Variants in VPS13D observed in about 807,000 individuals in gnomAD.
VPS13D encodes vacuolar protein sorting 13 homolog D, also known as intermembrane lipid transfer protein VPS13D.
A neutral mutation model predicts 461.9 loss-of-function variants in VPS13D; 187 were observed. The observed-to-expected ratio is 0.40, with a 90% confidence interval of 0.36 to 0.46. The LOEUF is 0.46. VPS13D is among the 20% of genes least tolerant of loss of function. The pLI is 0.60. For missense variants in VPS13D, 4,711 were observed against 5,364.9 expected (o/e 0.88, Z 3.81); for synonymous variants, 1,951 against 1,986.3 (o/e 0.98, Z 0.47).
chr1:12,439,977 T>C (rs2100337485), intron 65 of VPS13D, among the ~76,000 whole-genome samples: 1 of 152,352 alleles, frequency 6.6e-6, no homozygotes, highest in South Asian at 2.1e-4. Context: ...GCAGTGAATA[T>C]TGGCTCTATG....
At chr1:12,301,627 C>T (rs779763088) in intron 25 of VPS13D, among the ~76,000 whole-genome samples, 3 of 152,108 alleles carry the variant, frequency 2.0e-5, no homozygotes, top group Non-Finnish European at 4.4e-5. Context: ...TAATGGAGTC[C>T]CCATTACATG....
At position 12,355,973 on chromosome 1, in the gene VPS13D, A is replaced by G. The variant is rs1200548845; in HGVS notation, c.9754A>G (p.Met3252Val). 3 of 1,613,700 alleles carry G rather than the reference A, an allele frequency of 1.9e-6. No individual in the cohort carries two copies. Among genetic ancestry groups the G allele is most frequent in the Admixed American group, 1.7e-5 (1 of 59,952 alleles). Residue 3252 changes from methionine to valine, a missense_variant, in exon 48 of 70, where the codon ATG becomes GTG. Physicochemically the swap from Met to Val is conservative, Grantham distance 21 (BLOSUM62 1). This residue lies in a region of VPS13D where 4,411 missense variants were observed against 4,937.8 expected (regional missense o/e 0.89). Coordinates refer to ENST00000620676, the MANE Select transcript of VPS13D (RefSeq NM_015378.4). Reference protein sequence around the residue: ...PPGTQNYMVRMRLYDVNRRQL... With the variant: ...PPGTQNYMVRVRLYDVNRRQL... ...TGGAACCCAAAACTATATGGTGAGA[A>G]TGCGACTCTATGACGTCAACCGTCG...
intron 65 of VPS13D, among the ~76,000 whole-genome samples, chr1:12,440,862 C>T (rs1191276798): frequency 6.7e-6 from 1 of 149,294 alleles, no homozygotes; most frequent in Non-Finnish European, 1.5e-5. Context: ...GGCAACAGAG[C>T]GAGACTCTGC....
At chr1:12,254,425 C>T (rs143478132) in intron 7 of VPS13D, among the ~76,000 whole-genome samples, 3 of 151,654 alleles carry the variant, frequency 2.0e-5, no homozygotes, top group Non-Finnish European at 2.9e-5. Flanking sequence ...TTAAACTTCA[C>T]CTTTGGTGGC....
chr1:12,267,108 A>G, intron 14 of VPS13D, 97 bp downstream of exon 14: 1 of 1,288,098 alleles, frequency 7.8e-7, no homozygotes, highest in South Asian at 2.1e-5. Context: ...ACATTTGATC[A>G]TCTTGAGACT....
At chr1:12,319,687 T>C (rs1171695701) in intron 32 of VPS13D, 57 bp downstream of exon 32, 1 of 1,609,562 alleles carries the variant, frequency 6.2e-7, no homozygotes. Flanking sequence ...GCAAAGCATC[T>C]GGAAGAGAAT....
At chr1:12,346,945 TA>T (rs1643690374) in intron 44 of VPS13D, among the ~76,000 whole-genome samples, 1 of 152,226 alleles carries the variant, frequency 6.6e-6, no homozygotes, top group African/African-American at 2.4e-5. Flanking sequence ...TGAACCCTGG[TA>T]TGACCATATG....
intron 65 of VPS13D, among the ~76,000 whole-genome samples, chr1:12,449,927 C>T (rs950525891): frequency 8.5e-5 from 13 of 152,170 alleles, no homozygotes; most frequent in Non-Finnish European, 1.6e-4. Context: ...GAGTTCAAGA[C>T]CAACCTGGCC....
At chr1:12,235,903 A>C (rs1156999856) in intron 2 of VPS13D, among the ~76,000 whole-genome samples, 2 of 152,242 alleles carry the variant, frequency 1.3e-5, no homozygotes, top group African/African-American at 4.8e-5. Flanking sequence ...AGAGAGCTGC[A>C]GACCACGACC....
chr1:12,500,138 C>T (rs1209392045), intron 68 of VPS13D: 1 of 985,192 alleles, frequency 1.0e-6, no homozygotes, highest in Non-Finnish European at 1.2e-6. Context: ...TTGGTGACTT[C>T]AACTTTATTC....
chr1:12,261,828 GA>G, intron 12 of VPS13D, 72 bp from the exon 13 acceptor site: 1 of 1,286,440 alleles, frequency 7.8e-7, no homozygotes, highest in South Asian at 1.6e-5. Context: ...TCATAACTGT[GA>G]TCAGTCTGCT....
intron 2 of VPS13D, among the ~76,000 whole-genome samples, chr1:12,236,164 G>A (rs990026241): frequency 2.0e-5 from 3 of 152,000 alleles, no homozygotes; most frequent in East Asian, 1.9e-4. Context: ...ATGCTTCTCC[G>A]CAGGGTAGAA....
intron 40 of VPS13D, among the ~76,000 whole-genome samples, chr1:12,338,583 G>A (rs1643500909): frequency 6.6e-6 from 1 of 152,160 alleles, no homozygotes; most frequent in Non-Finnish European, 1.5e-5. Flanking sequence ...GTCAGTTAGA[G>A]GTGATTTCTC....
intron 65 of VPS13D, among the ~76,000 whole-genome samples, chr1:12,446,155 A>G (rs1346398528): frequency 6.6e-6 from 1 of 152,196 alleles, no homozygotes; most frequent in Non-Finnish European, 1.5e-5. Context: ...GGTGGCTCAC[A>G]CCTGTAATCC....
rs1236118729 is a variant in VPS13D at position 12,497,821 on chromosome 1, C to G, written c.12794+190C>G. Reference sequence around the variant, plus strand: ...ATGCTAAACAGCCTTTTACTCAAAGCAGTGGTTCTCAACTGTGTGCCATAG... The same window carrying G: ...ATGCTAAACAGCCTTTTACTCAAAGGAGTGGTTCTCAACTGTGTGCCATAG... On this transcript the variant is annotated intron_variant, in intron 68 of 69. Transcript: ENST00000620676. 2.6e-5 allele frequency among the ~76,000 whole-genome samples: 4 copies of G among 152,212 alleles called. No homozygotes were observed. The South Asian group carries it at 8.3e-4, about 32-fold the overall frequency.
intron 7 of VPS13D, among the ~76,000 whole-genome samples, 177 bp downstream of exon 7, chr1:12,254,003 C>T (rs962132927): frequency 3.9e-5 from 6 of 152,104 alleles, no homozygotes; most frequent in African/African-American, 7.2e-5. Context: ...TATGTGACTT[C>T]GAACAATATA....
intron 6 of VPS13D, among the ~76,000 whole-genome samples, chr1:12,250,854 A>G (rs1416872015): frequency 1.3e-5 from 2 of 152,278 alleles, no homozygotes; most frequent in Non-Finnish European, 1.5e-5. Context: ...GATCCCAGCC[A>G]TGCTCATTAG....
chr1:12,409,182 T>G (rs2101696808), intron 63 of VPS13D, among the ~76,000 whole-genome samples: 1 of 152,302 alleles, frequency 6.6e-6, no homozygotes, highest in East Asian at 1.9e-4. Flanking sequence ...TAATTTTTTT[T>G]TGAAAACTAC....
At chr1:12,392,372 C>T (rs1039294555) in intron 60 of VPS13D, among the ~76,000 whole-genome samples, 10 of 150,676 alleles carry the variant, frequency 6.6e-5, no homozygotes, top group South Asian at 2.1e-4. Flanking sequence ...TCAGCTACTT[C>T]GGAGGCTGAG....
Sources: allele counts gnomAD v4.1 joint callset (sites outside exome capture counted in the v4.1 genomes callset), GRCh38; gene constraint gnomAD v4.1.1; regional missense constraint gnomAD v4.1.1; transcripts MANE v1.5; gene names NCBI Gene and HGNC (gene_info 2026-07-23, HGNC 2026-07-21).